Variants in RHEX observed in about 807,000 individuals in gnomAD.
RHEX encodes regulator of hemoglobinization and erythroid cell expansion protein.
Under a neutral mutation model 20.1 loss-of-function variants are expected in RHEX, and 18 were observed. The ratio of observed to expected loss-of-function variants is 0.90; its 90% CI spans 0.62 to 1.33. RHEX has a LOEUF of 1.33. Among genes scored for constraint, RHEX ranks in the 40% most tolerant of loss-of-function variants. The probability of loss-of-function intolerance (pLI) is 0.00; values close to 1 mark genes in which losing one functional copy is unlikely to be tolerated. For missense variants in RHEX, 192 were observed against 214.3 expected (o/e 0.90, Z 0.65); for synonymous variants, 87 against 77.1 (o/e 1.13, Z -0.67).
At chr1:206,077,705 A>C (rs1293737986) in intron 1 of RHEX, among the ~76,000 whole-genome samples, 5 of 152,228 alleles carry the variant, frequency 3.3e-5, no homozygotes, top group African/African-American at 1.2e-4. Context: ...TCAAGGCTAC[A>C]ACATCGTAGG....
intron 1 of RHEX, among the ~76,000 whole-genome samples, chr1:206,064,300 G>T (rs1439916077): frequency 7.0e-6 from 1 of 143,458 alleles, no homozygotes; most frequent in Admixed American, 6.8e-5. Context: ...CGCCCCGTCC[G>T]GGAGGTGAGG....
chr1:206,088,929 C>T (rs1662893869), intron 1 of RHEX, among the ~76,000 whole-genome samples: 1 of 152,052 alleles, frequency 6.6e-6, no homozygotes, highest in South Asian at 2.1e-4. Flanking sequence ...AAGTGATCCT[C>T]CTGCTTCAGC....
At chr1:206,059,848 C>T (rs1237491093) in intron 1 of RHEX, among the ~76,000 whole-genome samples, 1 of 152,148 alleles carries the variant, frequency 6.6e-6, no homozygotes, top group Non-Finnish European at 1.5e-5. Flanking sequence ...TCTCCCCTTC[C>T]CCACCAGAGC....
At chr1:206,064,378 G>C (rs377510366) in intron 1 of RHEX, among the ~76,000 whole-genome samples, 5 of 119,394 alleles carry the variant, frequency 4.2e-5, no homozygotes, top group African/African-American at 3.9e-5. Flanking sequence ...TGCCCCGTCC[G>C]GGAGGGAGGT....
chr1:206,101,690 G>T, intron 5 of RHEX, 62 bp from the exon 6 acceptor site: 1 of 1,281,014 alleles, frequency 7.8e-7, no homozygotes. Flanking sequence ...TCAGTCCTGG[G>T]GTCTTATTTC....
At position 206,099,761 on chromosome 1, in the gene RHEX, A is replaced by G; in HGVS notation, c.219A>G (p.Thr73=). 6.2e-7 allele frequency: 1 copy of G among 1,614,116 alleles called. No homozygotes were observed. The highest frequency in any genetic ancestry group is 8.5e-7 in the Non-Finnish European group (1 of 1,179,960). The stretch of plus-strand genomic sequence containing the variant: ...TCAAAGAGATGAAGGAGACTCAGAC[A>G]GAGAGAGACATCCCAATGTCTGATT... The part of the protein sequence containing the change: ...PAVKEMKETQ[T]ERDIPMSDSL... Residue 73 remains threonine (T), a synonymous_variant, in exon 4 of 6, where the codon ACA becomes ACG. Transcript: ENST00000331555.
At chr1:206,096,537 C>G (rs1470170496) in intron 1 of RHEX, among the ~76,000 whole-genome samples, 1 of 152,214 alleles carries the variant, frequency 6.6e-6, no homozygotes, top group African/African-American at 2.4e-5. Flanking sequence ...TTGAGGAACC[C>G]CAGATGAGGC....
chr1:206,100,137 T>C (rs1423735279), intron 4 of RHEX, among the ~76,000 whole-genome samples: 1 of 152,208 alleles, frequency 6.6e-6, no homozygotes, highest in African/African-American at 2.4e-5. Flanking sequence ...AGTTAAAATT[T>C]CACCTGCCTC....
intron 1 of RHEX, among the ~76,000 whole-genome samples, chr1:206,072,677 A>G (rs958526587): frequency 6.6e-6 from 1 of 152,136 alleles, no homozygotes. Context: ...TAAAAACTCA[A>G]TTTACTGAAT....
In RHEX at chr1:206,095,370, C is replaced by T. The variant is rs556542366; in HGVS notation, c.-96-2363C>T. Reference sequence around the variant, plus strand: ...TTTCCTGACCAAAAAAACATGTTTACGATATATTAAGAGTAAAAAAATAGC... The same window carrying T: ...TTTCCTGACCAAAAAAACATGTTTATGATATATTAAGAGTAAAAAAATAGC... On this transcript the variant is annotated intron_variant, in intron 1 of 5. Transcript: ENST00000331555. Among the ~76,000 whole-genome samples the T allele has an allele frequency of 1.6e-3, 236 of 150,330 alleles. 1 individual carries two copies. The highest frequency in any genetic ancestry group is 3.5e-3 in the Admixed American group (53 of 15,148).
At chr1:206,081,014 A>G (rs1462574950) in intron 1 of RHEX, among the ~76,000 whole-genome samples, 1 of 150,432 alleles carries the variant, frequency 6.6e-6, no homozygotes, top group Non-Finnish European at 1.5e-5. Context: ...CACATACACA[A>G]CATAGCAAAA....
chr1:206,080,501 C>T lies in RHEX; in HGVS notation c.-96-17232C>T, dbSNP rs1662714333. Among the ~76,000 whole-genome samples the T allele has an allele frequency of 2.6e-5, 4 of 152,156 alleles. No individual in the cohort carries two copies. In the South Asian group the frequency reaches 6.2e-4, roughly 24 times the overall value. On this transcript the variant is annotated intron_variant, in intron 1 of 5. Transcript: ENST00000331555. ...GCTTGGGAAGGAGGCTGTTATCTTA[C>T]GAAATGGGCTACGGGGTGGGGTAGG...
At chr1:206,071,626 C>A (rs1662531032) in intron 1 of RHEX, among the ~76,000 whole-genome samples, 1 of 149,838 alleles carries the variant, frequency 6.7e-6, no homozygotes, top group Non-Finnish European at 1.5e-5. Context: ...GTGAGAGGAT[C>A]ACTTAAGGCC....
intron 3 of RHEX, among the ~76,000 whole-genome samples, chr1:206,099,296 G>T (rs191986781): frequency 6.6e-6 from 1 of 151,922 alleles, no homozygotes; most frequent in East Asian, 1.9e-4. Flanking sequence ...TTCAAGAGCC[G>T]ATGTGCCTAA....
chr1:206,098,336 C>G (rs782705842), intron 3 of RHEX, 155 bp downstream of exon 3: 30 of 616,078 alleles, frequency 4.9e-5, no homozygotes, highest in Middle Eastern at 3.7e-4. Context: ...CCCCCTCCCC[C>G]CAATAACTGT....
intron 1 of RHEX, chr1:206,060,895 T>C (rs922869719): frequency 2.0e-5 from 3 of 151,974 alleles, no homozygotes; most frequent in African/African-American, 7.3e-5. Flanking sequence ...GGGGCAGAGA[T>C]TGGGGTGTTT....
chr1:206,084,420 C>A (rs1462905463), intron 1 of RHEX, among the ~76,000 whole-genome samples: 1 of 152,188 alleles, frequency 6.6e-6, no homozygotes, highest in Non-Finnish European at 1.5e-5. Context: ...GACGTAAGTG[C>A]TACTAACAGC....
chr1:206,060,177 A>T (rs1398525969), intron 1 of RHEX, among the ~76,000 whole-genome samples: 1 of 152,184 alleles, frequency 6.6e-6, no homozygotes, highest in Non-Finnish European at 1.5e-5. Flanking sequence ...GTGATCCTCA[A>T]GAACTGTTTT....
chr1:206,065,613 T>G (rs1256281047), intron 1 of RHEX, among the ~76,000 whole-genome samples: 3 of 152,166 alleles, frequency 2.0e-5, no homozygotes, highest in Non-Finnish European at 4.4e-5. Context: ...TCTTCTCCCA[T>G]CTAGGGAGAT....
Sources: gnomAD v4.1 joint callset for allele counts (sites outside exome capture counted in the v4.1 genomes callset) on GRCh38, gnomAD v4.1.1 for gene constraint, MANE v1.5 for transcripts, NCBI Gene and HGNC (gene_info 2026-07-23, HGNC 2026-07-21) for gene names.